Variants in ATP10B observed in about 807,000 individuals in gnomAD.
The protein encoded by ATP10B is ATPase phospholipid transporting 10B (putative), also known as phospholipid-transporting ATPase VB.
ATP10B carries 122 observed loss-of-function variants against 141.2 expected under a neutral mutation model. That is an observed-to-expected ratio of 0.86 (90% CI 0.75 to 1.00). The LOEUF (loss-of-function observed/expected upper bound fraction) is 1.00. Ranked by LOEUF, ATP10B falls within the 50% of genes least tolerant of loss-of-function variation. The pLI is 0.00. For missense variants in ATP10B, 1,876 were observed against 1,825.3 expected, an observed-to-expected ratio of 1.03 and a Z score of -0.51; for synonymous variants, 685 against 692.0, an observed-to-expected ratio of 0.99 and a Z score of 0.16.
intron 7 of ATP10B, among the ~76,000 whole-genome samples, chr5:160,653,159 AATAT>A (rs1180866535): frequency 7.5e-6 from 1 of 132,468 alleles, no homozygotes; most frequent in African/African-American, 2.8e-5. Flanking sequence ...ATAAATACAT[AATAT>A]ATATTATATA....
chr5:160,912,847 C>G, the ATP10B span, among the ~76,000 whole-genome samples: 1 of 152,078 alleles, frequency 6.6e-6, no homozygotes, highest in African/African-American at 2.4e-5. Context: ...TCTGTAGGCT[C>G]CAGAATAGAT....
At chr5:160,850,013 G>C (rs1753700805) in intron 1 of ATP10B, among the ~76,000 whole-genome samples, 3 of 152,174 alleles carry the variant, frequency 2.0e-5, no homozygotes, top group African/African-American at 4.8e-5. Context: ...GGTAGAATCA[G>C]TCTCAGGAAT....
chr5:160,643,883 G>A (rs1177976098), intron 9 of ATP10B, among the ~76,000 whole-genome samples: 4 of 152,156 alleles, frequency 2.6e-5, no homozygotes, highest in Admixed American at 2.6e-4. Flanking sequence ...CAAAACCACC[G>A]GGATGATTGA....
Position 160,598,983 on chromosome 5 carries a change from A to C in ATP10B, c.3364-13T>G, listed in dbSNP as rs1756920968. 1 of 1,613,100 alleles carries C rather than the reference A, an allele frequency of 6.2e-7. No homozygotes were observed. Among genetic ancestry groups the C allele is most frequent in the Non-Finnish European group, 8.5e-7 (1 of 1,179,588 alleles). On this transcript the variant is annotated splice_polypyrimidine_tract_variant and intron_variant, in intron 21 of 25. Coordinates refer to ENST00000327245, the MANE Select transcript of ATP10B (RefSeq NM_025153.3). ...GGTTGACGTAGCACTGCAGGCAGAG[A>C]GCATGGCCTTGTGAGTGGGGCTCCA... is the stretch of plus-strand genomic sequence containing the variant.
chr5:160,573,144 G>C (rs1754982697), intron 24 of ATP10B, among the ~76,000 whole-genome samples: 1 of 152,222 alleles, frequency 6.6e-6, no homozygotes, highest in Non-Finnish European at 1.5e-5. Context: ...TTTTGAAGGT[G>C]ATTAGGGGGA....
intron 2 of ATP10B, among the ~76,000 whole-genome samples, chr5:160,725,457 A>ATT (rs747995995): frequency 1.2e-4 from 17 of 142,694 alleles, no homozygotes; most frequent in African/African-American, 4.1e-4. Context: ...TTACGATGGG[A>ATT]TTTTTTTTTT....
intron 2 of ATP10B, among the ~76,000 whole-genome samples, chr5:160,758,809 G>T (rs1768822774): frequency 6.6e-6 from 1 of 152,206 alleles, no homozygotes. Flanking sequence ...AGACAGGGCA[G>T]GTAAGAAGAA....
At chr5:160,572,338 T>C (rs1486734174) in intron 24 of ATP10B, among the ~76,000 whole-genome samples, 3 of 152,162 alleles carry the variant, frequency 2.0e-5, no homozygotes, top group Non-Finnish European at 4.4e-5. Flanking sequence ...CTGTCAAAGC[T>C]CTTAAAATTC....
intron 2 of ATP10B, among the ~76,000 whole-genome samples, chr5:160,749,128 C>T (rs1448912523): frequency 2.6e-5 from 4 of 152,102 alleles, no homozygotes; most frequent in African/African-American, 4.8e-5. Context: ...TTAGTATTAC[C>T]GGAGAGAACA....
chr5:160,893,044 C>A, the ATP10B span, among the ~76,000 whole-genome samples: 2 of 152,226 alleles, frequency 1.3e-5, no homozygotes, highest in African/African-American at 4.8e-5. Context: ...ACAGTCTTCA[C>A]AACCCACAGA....
intron 2 of ATP10B, among the ~76,000 whole-genome samples, chr5:160,726,801 G>A (rs1044028663): frequency 6.6e-6 from 1 of 152,088 alleles, no homozygotes; most frequent in East Asian, 1.9e-4. Flanking sequence ...GGGCAAATCT[G>A]CCTCCCATTC....
chr5:160,873,419 G>A, the ATP10B span, among the ~76,000 whole-genome samples: 4 of 152,068 alleles, frequency 2.6e-5, no homozygotes, highest in East Asian at 7.7e-4. Context: ...CATAATAAAA[G>A]GTACACAGGT....
At chr5:160,661,903 C>T (rs528434675) in intron 7 of ATP10B, among the ~76,000 whole-genome samples, 18 of 152,292 alleles carry the variant, frequency 1.2e-4, no homozygotes, top group African/African-American at 2.9e-4. Flanking sequence ...AAAGCCCCAT[C>T]GTCTCAGCTC....
chr5:160,723,697 G>T (rs1488441377), intron 2 of ATP10B, among the ~76,000 whole-genome samples: 1 of 152,026 alleles, frequency 6.6e-6, no homozygotes, highest in Non-Finnish European at 1.5e-5. Context: ...GAAATACCAT[G>T]TTATTTACAC....
intron 7 of ATP10B, among the ~76,000 whole-genome samples, chr5:160,669,627 T>C: frequency 6.7e-6 from 1 of 149,050 alleles, no homozygotes; most frequent in African/African-American, 2.5e-5. Flanking sequence ...TTTTTTTTTT[T>C]TTTGAGACGG....
intron 2 of ATP10B, among the ~76,000 whole-genome samples, chr5:160,718,579 T>G (rs921240903): frequency 6.6e-6 from 1 of 152,216 alleles, no homozygotes; most frequent in African/African-American, 2.4e-5. Flanking sequence ...TTGTGCTGCA[T>G]GCTAACATGG....
At chr5:160,916,088 TAAC>T in the ATP10B span, among the ~76,000 whole-genome samples, 2 of 152,194 alleles carry the variant, frequency 1.3e-5, no homozygotes, top group African/African-American at 2.4e-5. Context: ...AGGAACTTTA[TAAC>T]AACTCTTGAG....
At chr5:160,689,459 T>C (rs901769920) in intron 3 of ATP10B, among the ~76,000 whole-genome samples, 2 of 152,200 alleles carry the variant, frequency 1.3e-5, no homozygotes, top group African/African-American at 2.4e-5. Context: ...GATGACATGA[T>C]TGTATATTTA....
At position 160,615,243 on chromosome 5, in the gene ATP10B, C is replaced by T. The variant is rs76588833; in HGVS notation, c.2653+595G>A. 3.3e-5 allele frequency among the ~76,000 whole-genome samples: 5 copies of T among 152,202 alleles called. No individual in the cohort carries two copies. The East Asian group carries it at 9.7e-4, about 29-fold the overall frequency. ...CATTTCTCCCCACTCTGTTTCCCCCCAGCCCGGGACCTCCAGGCCTTCAAT... is the reference window on the plus strand; with the variant it reads ...CATTTCTCCCCACTCTGTTTCCCCCTAGCCCGGGACCTCCAGGCCTTCAAT... On this transcript the variant is annotated intron_variant, in intron 17 of 25. Coordinates refer to ENST00000327245, the MANE Select transcript of ATP10B (RefSeq NM_025153.3).
Sources: allele counts gnomAD v4.1 joint callset (sites outside exome capture counted in the v4.1 genomes callset), GRCh38; gene constraint gnomAD v4.1.1; transcripts MANE v1.5; gene names NCBI Gene and HGNC (gene_info 2026-07-23, HGNC 2026-07-21).